Variants in TIAM1 observed in about 807,000 individuals in gnomAD.
TIAM1 encodes the protein rho guanine nucleotide exchange factor TIAM1.
TIAM1 carries 65 observed loss-of-function variants against 163.5 expected under a neutral mutation model. That is an observed-to-expected ratio of 0.40 (90% CI 0.33 to 0.49). The LOEUF is 0.49. TIAM1 is among the 20% of genes least tolerant of loss of function. The pLI, the probability that TIAM1 is intolerant of heterozygous loss-of-function variation, is 0.77. For missense variants in TIAM1, 1,789 were observed against 2,044.7 expected (o/e 0.87, Z 2.41); for synonymous variants, 833 against 810.1 (o/e 1.03, Z -0.48).
chr21:31,519,647 A>G (rs1306655517), intron 1 of TIAM1, among the ~76,000 whole-genome samples: 2 of 152,236 alleles, frequency 1.3e-5, no homozygotes, highest in Non-Finnish European at 2.9e-5. Flanking sequence ...AGATAGAAGT[A>G]ACCCAAGCGT....
At chr21:31,421,211 G>A (rs778712280) in intron 2 of TIAM1, among the ~76,000 whole-genome samples, 30 of 151,498 alleles carry the variant, frequency 2.0e-4, no homozygotes, top group Non-Finnish European at 2.2e-4. Flanking sequence ...ATGACTAGTG[G>A]CCTTTAAAGA....
intron 15 of TIAM1, among the ~76,000 whole-genome samples, chr21:31,173,095 A>T (rs1244593178): frequency 1.3e-5 from 2 of 152,184 alleles, no homozygotes; most frequent in Non-Finnish European, 2.9e-5. Flanking sequence ...TTTACCTTTC[A>T]TTTACCCAGA....
chr21:31,127,009 C>T, intron 26 of TIAM1, 56 bp downstream of exon 26: 3 of 1,563,066 alleles, frequency 1.9e-6, no homozygotes, highest in Non-Finnish European at 2.6e-6. Flanking sequence ...AGACACCAAA[C>T]CGTTCCAATC....
At chr21:31,307,863 G>T (rs149610553) in intron 2 of TIAM1, among the ~76,000 whole-genome samples, 1 of 152,236 alleles carries the variant, frequency 6.6e-6, no homozygotes, top group East Asian at 1.9e-4. Flanking sequence ...GAATTTACAA[G>T]ATAAAAAATA....
At chr21:31,470,805 A>G (rs1369782608) in intron 1 of TIAM1, among the ~76,000 whole-genome samples, 1 of 152,166 alleles carries the variant, frequency 6.6e-6, no homozygotes, top group Non-Finnish European at 1.5e-5. Flanking sequence ...TCCCCAGGAG[A>G]AGAGAGAGGA....
At chr21:31,291,399 G>T (rs1490066821) in intron 2 of TIAM1, among the ~76,000 whole-genome samples, 4 of 152,168 alleles carry the variant, frequency 2.6e-5, no homozygotes, top group Non-Finnish European at 5.9e-5. Flanking sequence ...TGCTGATGAT[G>T]GAAGGAGCTC....
In TIAM1 at chr21:31,154,231, G is replaced by C. The variant is rs777407020; in HGVS notation, c.3171+16C>G. On this transcript the variant is annotated intron_variant, in intron 17 of 27. Coordinates refer to ENST00000541036, the MANE Select transcript of TIAM1 (RefSeq NM_001353694.2). ...ACGAGGCAGAGGGAGGGCAGGGGGAGAAAAAAGAAACATACCTTCACGTAG... is the reference window on the plus strand; with the variant it reads ...ACGAGGCAGAGGGAGGGCAGGGGGACAAAAAAGAAACATACCTTCACGTAG... The C allele has an allele frequency of 6.2e-7, 1 of 1,611,010 alleles. No homozygotes were observed. The highest frequency in any genetic ancestry group is 8.5e-7 in the Non-Finnish European group (1 of 1,177,796).
At chr21:31,539,738 G>GC (rs1479305150) in intron 1 of TIAM1, among the ~76,000 whole-genome samples, 1 of 152,174 alleles carries the variant, frequency 6.6e-6, no homozygotes, top group Non-Finnish European at 1.5e-5. Context: ...AGCCACATAA[G>GC]CACCCAAGTG....
At chr21:31,388,212 A>AACACACACACACACACAC (rs11369323) in intron 2 of TIAM1, among the ~76,000 whole-genome samples, 4 of 115,846 alleles carry the variant, frequency 3.5e-5, no homozygotes, top group African/African-American at 1.4e-4. Context: ...AGAAGACCCT[A>AACACACACACACACACAC]ACACACACAC....
chr21:31,421,087 T>C (rs1390523940), intron 2 of TIAM1, among the ~76,000 whole-genome samples: 1 of 149,258 alleles, frequency 6.7e-6, no homozygotes, highest in East Asian at 2.0e-4. Flanking sequence ...GCCGAGATCA[T>C]GCCACTACAC....
chr21:31,141,459 G>C lies in TIAM1; in HGVS notation c.3521C>G (p.Pro1174Arg). Residue 1174 changes from proline to arginine, a missense_variant, in exon 21 of 28, where the codon CCG becomes CGG. Pro to Arg is a moderately radical substitution (Grantham distance 103, BLOSUM62 -2). Around this residue, in one of 5 missense-constraint regions of TIAM1, gnomAD observed 60 missense variants for 132.6 expected, o/e 0.45. Transcript: ENST00000541036. This position sits in a 1 kb window ranked among gnomAD's most constrained non-coding sequence, Gnocchi z 4.7. Reference protein sequence around the residue: ...AFKAFLDAQNPKQQHSSTLES... With the variant: ...AFKAFLDAQNRKQQHSSTLES... ...CAGCGTGGATGAGTGCTGCTGCTTC[G>C]GGTTCTGGGCATCCAAGAATGCCTT... 2 of 1,614,186 alleles carry C rather than the reference G, an allele frequency of 1.2e-6. No homozygotes were observed. Among genetic ancestry groups the C allele is most frequent in the Non-Finnish European group, 8.5e-7 (1 of 1,180,038 alleles).
At chr21:31,510,666 T>C (rs951387506) in intron 1 of TIAM1, among the ~76,000 whole-genome samples, 9 of 152,138 alleles carry the variant, frequency 5.9e-5, no homozygotes, top group Non-Finnish European at 1.0e-4. Flanking sequence ...TACAAAAAAT[T>C]AGCCGGGCGT....
intron 2 of TIAM1, among the ~76,000 whole-genome samples, chr21:31,399,698 C>G (rs752043866): frequency 1.3e-4 from 20 of 152,102 alleles, no homozygotes; most frequent in Non-Finnish European, 2.2e-4. Flanking sequence ...AGCTTAAATT[C>G]AATATGACAT....
chr21:31,343,193 A>G (rs1410304523), intron 1 of TIAM1, among the ~76,000 whole-genome samples: 1 of 152,246 alleles, frequency 6.6e-6, no homozygotes, highest in Non-Finnish European at 1.5e-5. Flanking sequence ...TTGATCAGGT[A>G]TGAAACAAGT....
chr21:31,412,981 AC>A (rs994488980), intron 2 of TIAM1, among the ~76,000 whole-genome samples: 1 of 152,086 alleles, frequency 6.6e-6, no homozygotes, highest in African/African-American at 2.4e-5. Context: ...ATAGACAGGT[AC>A]TGGTCCATGG....
At chr21:31,311,909 AAGC>A (rs2074945795) in intron 2 of TIAM1, among the ~76,000 whole-genome samples, 1 of 152,178 alleles carries the variant, frequency 6.6e-6, no homozygotes, top group Non-Finnish European at 1.5e-5. Context: ...GCCAGAATAA[AAGC>A]AGGCAGAAGA....
Position 31,120,300 on chromosome 21 carries a change from T to C in TIAM1, c.*68A>G. 6.8e-7 allele frequency: 1 copy of C among 1,468,870 alleles called. No individual in the cohort carries two copies. The highest frequency in any genetic ancestry group is 2.3e-5 in the East Asian group (1 of 43,228). 91.0% of individuals were successfully genotyped at this position (1,468,870 alleles called of 1,614,324 possible). A position where few individuals can be genotyped will look rare whatever the true frequency, so the allele number is the denominator to read the frequency against. ...CCTAAGGGGACATTCTTGTCGACGG[T>C]ACAGGAGGGTGGGCAGAGTTAGGGC... On this transcript the variant is annotated 3_prime_UTR_variant, in exon 28 of 28. Transcript: ENST00000541036. The surrounding 1 kb of genome is among the most constrained non-coding windows in gnomAD (Gnocchi z 4.2).
At chr21:31,226,008 T>C in intron 6 of TIAM1, 58 bp from the exon 7 acceptor site, 4 of 1,489,484 alleles carry the variant, frequency 2.7e-6, no homozygotes, top group Non-Finnish European at 3.7e-6. Flanking sequence ...TTAAGAGAAA[T>C]GAACCGGAGC....
At chr21:31,196,791 T>C (rs575326823) in intron 12 of TIAM1, among the ~76,000 whole-genome samples, 129 of 152,298 alleles carry the variant, frequency 8.5e-4, no homozygotes, top group East Asian at 3.9e-4. Context: ...ACACGTGCAC[T>C]GTATGTTCAT....
Sources: gnomAD v4.1 joint callset for allele counts (sites outside exome capture counted in the v4.1 genomes callset) on GRCh38, gnomAD v4.1.1 for gene constraint, gnomAD v4.1.1 regional missense constraint, Gnocchi (gnomAD v3.1) non-coding constraint, MANE v1.5 for transcripts, NCBI Gene and HGNC (gene_info 2026-07-23, HGNC 2026-07-21) for gene names.